KCNAB1: variants seen among roughly 807,000 people sequenced by gnomAD.
KCNAB1 encodes voltage-gated potassium channel subunit beta-1.
Under a neutral mutation model 64.6 loss-of-function variants are expected in KCNAB1, and 35 were observed. The observed-to-expected ratio is 0.54, with a 90% CI of 0.41 to 0.72. The LOEUF (loss-of-function observed/expected upper bound fraction) is 0.72, where lower values mean the gene tolerates loss of function less well. KCNAB1 is among the 30% of genes least tolerant of loss of function. The pLI is 0.00. For missense variants in KCNAB1, 401 were observed against 512.9 expected, an observed-to-expected ratio of 0.78 and a Z score of 2.11; for synonymous variants, 177 against 183.8, an observed-to-expected ratio of 0.96 and a Z score of 0.30.
chr3:156,125,560 A>C (rs578038338), intron 1 of KCNAB1, among the ~76,000 whole-genome samples: 1 of 152,356 alleles, frequency 6.6e-6, no homozygotes, highest in Admixed American at 6.5e-5. Context: ...TAGTAGGGCA[A>C]ACTGAGATGT....
chr3:156,148,182 C>T (rs1477345512), intron 1 of KCNAB1, among the ~76,000 whole-genome samples: 1 of 152,200 alleles, frequency 6.6e-6, no homozygotes, highest in East Asian at 1.9e-4. Flanking sequence ...ACACATCCCA[C>T]TTGCCTAGGT....
At chr3:156,307,562 C>A (rs1025766327) in intron 1 of KCNAB1, among the ~76,000 whole-genome samples, 1 of 151,980 alleles carries the variant, frequency 6.6e-6, no homozygotes, top group Admixed American at 6.6e-5. Flanking sequence ...AAAAGAAAAT[C>A]AAGGGCTGTG....
Position 156,171,714 on chromosome 3 carries a change from C to T in KCNAB1, c.275+50828C>T, listed in dbSNP as rs184830213. On this transcript the variant is annotated intron_variant, in intron 1 of 13. Transcript: ENST00000490337. The stretch of plus-strand genomic sequence containing the variant: ...TTTCAAGGGCTCTTCATTTCCCCTA[C>T]GCCCTCCAGAGAGTTAAAACGCTAC... 2.8e-3 allele frequency among the ~76,000 whole-genome samples: 434 copies of T among 152,296 alleles called. 4 individuals are homozygous for T. The highest frequency in any genetic ancestry group is 5.3e-3 in the Non-Finnish European group (362 of 68,040).
At chr3:156,139,517 C>A (rs1003396974) in intron 1 of KCNAB1, among the ~76,000 whole-genome samples, 1 of 149,462 alleles carries the variant, frequency 6.7e-6, no homozygotes, top group African/African-American at 2.5e-5. Flanking sequence ...TGGTGGCTAC[C>A]ATAAGTGATG....
intron 1 of KCNAB1, among the ~76,000 whole-genome samples, chr3:156,254,822 C>T (rs1462336040): frequency 2.6e-5 from 4 of 152,220 alleles, no homozygotes; most frequent in Non-Finnish European, 5.9e-5. Flanking sequence ...ATCCTCCAGT[C>T]TTCTGTAACA....
intron 1 of KCNAB1, among the ~76,000 whole-genome samples, chr3:156,302,556 T>C (rs1460340218): frequency 6.6e-6 from 1 of 152,190 alleles, no homozygotes; most frequent in Non-Finnish European, 1.5e-5. Flanking sequence ...GGGGATTTTC[T>C]CTGAGTAAGG....
intron 12 of KCNAB1, among the ~76,000 whole-genome samples, chr3:156,529,169 T>G (rs1373446187): frequency 6.6e-6 from 1 of 152,108 alleles, no homozygotes; most frequent in Non-Finnish European, 1.5e-5. Context: ...AAAGAAATGG[T>G]ATACGGGTAC....
chr3:156,379,962 C>G (rs1712027784), intron 1 of KCNAB1, among the ~76,000 whole-genome samples: 1 of 152,134 alleles, frequency 6.6e-6, no homozygotes, highest in Non-Finnish European at 1.5e-5. Flanking sequence ...AGAGTCAGGA[C>G]TAGTGCTAAG....
At chr3:156,459,692 C>T (rs936228340) in intron 4 of KCNAB1, 135 bp from the exon 5 acceptor site, 19 of 604,478 alleles carry the variant, frequency 3.1e-5, no homozygotes, top group Non-Finnish European at 5.4e-5. Flanking sequence ...AACTGTGCTA[C>T]CAGCCGAGAG....
At chr3:156,349,430 A>G (rs1034472007) in intron 1 of KCNAB1, among the ~76,000 whole-genome samples, 1 of 152,212 alleles carries the variant, frequency 6.6e-6, no homozygotes, top group Non-Finnish European at 1.5e-5. Context: ...GTACTTTCTA[A>G]TGAGAGGAAG....
At chr3:156,366,244 G>T (rs1208005533) in intron 1 of KCNAB1, among the ~76,000 whole-genome samples, 1 of 152,132 alleles carries the variant, frequency 6.6e-6, no homozygotes, top group Admixed American at 6.6e-5. Context: ...TAAAACAAAT[G>T]ATGGGATGAA....
intron 1 of KCNAB1, among the ~76,000 whole-genome samples, chr3:156,300,357 C>A (rs962651329): frequency 1.3e-5 from 2 of 152,164 alleles, no homozygotes; most frequent in Non-Finnish European, 2.9e-5. Flanking sequence ...ACTTGAAAAC[C>A]GTTACTACAA....
intron 1 of KCNAB1, among the ~76,000 whole-genome samples, chr3:156,190,018 T>C (rs911823922): frequency 2.0e-5 from 3 of 152,216 alleles, no homozygotes; most frequent in Non-Finnish European, 4.4e-5. Context: ...AAATGTTTAT[T>C]TTAAGAAAAT....
chr3:156,344,315 T>C (rs1445151561), intron 1 of KCNAB1, among the ~76,000 whole-genome samples: 1 of 152,192 alleles, frequency 6.6e-6, no homozygotes, highest in Non-Finnish European at 1.5e-5. Context: ...ACTGCTCAAC[T>C]TCTCAGCGCT....
At chr3:156,330,321 A>G (rs1723247152) in intron 1 of KCNAB1, among the ~76,000 whole-genome samples, 1 of 152,058 alleles carries the variant, frequency 6.6e-6, no homozygotes, top group African/African-American at 2.4e-5. Context: ...CTTCCCATTA[A>G]AAAAGAAAAA....
chr3:156,420,281 C>A (rs1715384071), intron 1 of KCNAB1, among the ~76,000 whole-genome samples: 1 of 152,256 alleles, frequency 6.6e-6, no homozygotes, highest in Non-Finnish European at 1.5e-5. Context: ...TGAAGAAACT[C>A]AACCCCGGAA....
At chr3:156,491,129 T>C (rs1715599072) in intron 8 of KCNAB1, among the ~76,000 whole-genome samples, 1 of 151,980 alleles carries the variant, frequency 6.6e-6, no homozygotes, top group Admixed American at 6.6e-5. Flanking sequence ...TCAAACACAA[T>C]TTCTCCACAA....
At chr3:156,449,574 G>A (rs1054534983) in intron 2 of KCNAB1, among the ~76,000 whole-genome samples, 2 of 152,152 alleles carry the variant, frequency 1.3e-5, no homozygotes, top group Non-Finnish European at 2.9e-5. Context: ...TCTAATCATA[G>A]CCCAACATAG....
chr3:156,368,423 T>G (rs1726087653), intron 1 of KCNAB1, among the ~76,000 whole-genome samples: 1 of 152,186 alleles, frequency 6.6e-6, no homozygotes, highest in Admixed American at 6.5e-5. Flanking sequence ...AGTTTCACTC[T>G]TTGTTTTCTT....
Sources: gnomAD v4.1 joint callset for allele counts (sites outside exome capture counted in the v4.1 genomes callset) on GRCh38, gnomAD v4.1.1 for gene constraint, MANE v1.5 for transcripts, NCBI Gene and HGNC (gene_info 2026-07-23, HGNC 2026-07-21) for gene names.